The following ASH1L variants were observed in gnomAD, a reference collection of about 807,000 sequenced individuals.
ASH1L encodes histone-lysine N-methyltransferase ASH1L.
A neutral mutation model predicts 269.0 loss-of-function variants in ASH1L; 23 were observed. The observed-to-expected ratio is 0.09, with a 90% CI of 0.06 to 0.12. The LOEUF is 0.12. ASH1L is among the 10% of genes least tolerant of loss of function. ASH1L has a pLI of 1.00. For synonymous variants in ASH1L, 1,187 were observed against 1,253.5 expected, an observed-to-expected ratio of 0.95 and a Z score of 1.12; for missense variants, 2,912 against 3,567.8, an observed-to-expected ratio of 0.82 and a Z score of 4.68.
At chr1:155,428,867 G>C (rs1661383844) in intron 5 of ASH1L, among the ~76,000 whole-genome samples, 1 of 152,058 alleles carries the variant, frequency 6.6e-6, no homozygotes. Context: ...TAAATACGCG[G>C]GTAAATCTCT....
Position 155,480,085 on chromosome 1 carries a change from G to C in ASH1L, c.2785C>G (p.His929Asp). Residue 929 changes from histidine to aspartate, a missense_variant, in exon 3 of 28, where the codon CAT (histidine) becomes GAT (aspartate). Transcript: ENST00000392403. ...PSKLESESDN[H>D]RSSSDFFESE... is the part of the protein sequence containing the mutation. ...TCAAAGAAATCACTGCTACTTCTAT[G>C]GTTGTCACTTTCAGATTCTAGCTTG... The C allele has an allele frequency of 1.2e-6, 2 of 1,614,020 alleles. No homozygotes were observed. The highest frequency in any genetic ancestry group is 1.7e-6 in the Non-Finnish European group (2 of 1,179,992).
At chr1:155,455,327 T>A (rs918785274) in intron 4 of ASH1L, among the ~76,000 whole-genome samples, 3 of 152,188 alleles carry the variant, frequency 2.0e-5, no homozygotes, top group African/African-American at 7.2e-5. Context: ...AATAATTTTG[T>A]TACTATGGGT....
intron 2 of ASH1L, among the ~76,000 whole-genome samples, chr1:155,493,598 C>T (rs527606569): frequency 1.3e-5 from 2 of 152,246 alleles, no homozygotes; most frequent in Admixed American, 6.5e-5. Context: ...GGGGGCATGG[C>T]GGTTCACGCC....
rs1284714420 is a variant in ASH1L at position 155,422,314 on chromosome 1, T to C, written c.5829-6391A>G. Among the ~76,000 whole-genome samples the C allele has an allele frequency of 1.3e-4, 20 of 150,728 alleles. No individual in the cohort carries two copies. The East Asian group carries it at 3.7e-3, about 28-fold the overall frequency. ...ACCACGCCCAGCTAATTTTTTTTTT[T>C]TTTTTTTTTTTGAGATGGCATCTTG... On this transcript the variant is annotated intron_variant, in intron 5 of 27. Coordinates refer to ENST00000392403, the MANE Select transcript of ASH1L (RefSeq NM_018489.3).
chr1:155,433,533 C>G (rs1283838066), intron 5 of ASH1L: 2 of 1,610,390 alleles, frequency 1.2e-6, no homozygotes, highest in Non-Finnish European at 8.5e-7. Flanking sequence ...TGCACCGTCC[C>G]CCCTGGTGCC....
rs367624434 is a variant in ASH1L at position 155,481,064 on chromosome 1, G to T, written c.1806C>A (p.Asn602Lys). ...IEEISESVGK[N>K]QFTSESTHLN... ...AGTGGGTACTTTCAGAAGTAAACTG[G>T]TTCTTTCCAACAGATTCAGAAATTT... Residue 602 changes from asparagine (N) to lysine (K), a missense_variant, in exon 3 of 28, where the codon AAC (asparagine) becomes AAA (lysine). Physicochemically the swap from Asn to Lys is moderately conservative, Grantham distance 94. Transcript: ENST00000392403. 3 of 1,614,020 alleles carry T rather than the reference G, an allele frequency of 1.9e-6. No individual in the cohort carries two copies. Among genetic ancestry groups the T allele is most frequent in the Non-Finnish European group, 2.5e-6 (3 of 1,179,968 alleles).
At position 155,438,625 on chromosome 1, in the gene ASH1L, T is replaced by C; in HGVS notation, c.5530A>G (p.Asn1844Asp). ...CGACCTGGCCTACGTTTCACAAAGT[T>C]ATTCCCTGTCCTGGCCTGCCTTTGA... ...KLQRQARTGN[N>D]FVKRRPGRPR... Residue 1844 changes from asparagine to aspartate, a missense_variant, in exon 5 of 28, where the codon AAC (asparagine) becomes GAC (aspartate). This residue lies in a region of ASH1L where 789 missense variants were observed against 897.6 expected (regional missense o/e 0.88). Transcript: ENST00000392403. 6.2e-7 allele frequency: 1 copy of C among 1,614,248 alleles called. No homozygotes were observed. Among genetic ancestry groups the C allele is most frequent in the Non-Finnish European group, 8.5e-7 (1 of 1,180,054 alleles).
chr1:155,355,858 T>C (rs925032702), intron 15 of ASH1L, among the ~76,000 whole-genome samples: 3 of 151,862 alleles, frequency 2.0e-5, no homozygotes, highest in African/African-American at 7.3e-5. Flanking sequence ...ACAGCAGAAA[T>C]TACCACTAAA....
intron 6 of ASH1L, among the ~76,000 whole-genome samples, chr1:155,410,228 G>A (rs919434348): frequency 6.6e-6 from 1 of 152,098 alleles, no homozygotes; most frequent in Non-Finnish European, 1.5e-5. Flanking sequence ...CTGGACTCAA[G>A]TGATCTGCTC....
At chr1:155,339,434 G>A (rs756229863) in intron 25 of ASH1L, 66 bp from the exon 26 acceptor site, 105 of 1,496,596 alleles carry the variant, frequency 7.0e-5, no homozygotes, top group Non-Finnish European at 9.4e-5. Context: ...CTTCTCTGGG[G>A]CCAGTCAGGA....
At chr1:155,376,919 G>C (rs1028066483) in intron 10 of ASH1L, among the ~76,000 whole-genome samples, 43 of 147,980 alleles carry the variant, frequency 2.9e-4, no homozygotes, top group African/African-American at 9.4e-4. Context: ...CTTTTTTTTT[G>C]GGGGGGAGAT....
At chr1:155,418,513 G>A (rs549667926) in intron 5 of ASH1L, among the ~76,000 whole-genome samples, 29 of 151,954 alleles carry the variant, frequency 1.9e-4, no homozygotes, top group African/African-American at 5.5e-4. Context: ...TTAGAATCCC[G>A]GGAAAGGAGA....
intron 15 of ASH1L, among the ~76,000 whole-genome samples, chr1:155,354,995 G>A (rs562132696): frequency 7.9e-5 from 12 of 152,288 alleles, no homozygotes; most frequent in African/African-American, 2.6e-4. Context: ...GCAAAGACAC[G>A]TAAGATGGAT....
rs753343387 is a variant in ASH1L at position 155,354,520 on chromosome 1, T to A, written c.7166A>T (p.Tyr2389Phe). Residue 2389 changes from tyrosine to phenylalanine, a missense_variant, in exon 16 of 28, where the codon TAT becomes TTT. By Grantham distance (22) the Tyr-to-Phe change is conservative (BLOSUM62 3). This residue lies in a region of ASH1L where 309 missense variants were observed against 435.1 expected (regional missense o/e 0.71). Transcript: ENST00000392403. ...TCGGCAGATCCCATTCCAACGGGTA[T>A]ATAATGATGCTGAGTGAATATTATC... ...TSDNIHSASL[Y>F]TRWNGICRDD... 6.2e-7 allele frequency: 1 copy of A among 1,613,898 alleles called. No homozygotes were observed. The highest frequency in any genetic ancestry group is 8.5e-7 in the Non-Finnish European group (1 of 1,179,928).
rs1311285591 is a variant in ASH1L, at chr1:155,420,373, A to AC, written c.5829-4451_5829-4450insG. Among the ~76,000 whole-genome samples, 275 of 151,114 alleles carry AC rather than the reference A, an allele frequency of 1.8e-3. 2 individuals carry two copies. Among genetic ancestry groups the AC allele is most frequent in the African/African-American group, 6.4e-3 (266 of 41,342 alleles). Reference sequence around the variant, plus strand: ...AATGAGACTCCATCTCAAAAAAAAAAAAAAACAAAAACAAAAAAACAAGAA... The same window carrying AC: ...AATGAGACTCCATCTCAAAAAAAAAACAAAAACAAAAACAAAAAAACAAGAA... On this transcript the variant is annotated intron_variant, in intron 5 of 27. Coordinates refer to ENST00000392403, the MANE Select transcript of ASH1L (RefSeq NM_018489.3).
intron 1 of ASH1L, among the ~76,000 whole-genome samples, chr1:155,544,927 CT>C (rs2148896518): frequency 6.6e-6 from 1 of 151,832 alleles, no homozygotes; most frequent in South Asian, 2.1e-4. Context: ...AATTCTAGCA[CT>C]TTGGGAGGCT....
intron 2 of ASH1L, among the ~76,000 whole-genome samples, chr1:155,518,182 A>G (rs942780430): frequency 2.6e-5 from 4 of 152,210 alleles, no homozygotes; most frequent in Non-Finnish European, 5.9e-5. Context: ...AGAAAACTGA[A>G]TATCATGTAA....
Position 155,356,826 on chromosome 1 carries a change from TA to T in ASH1L, c.7055+489del, listed in dbSNP as rs1378085900. Reference sequence around the variant, plus strand: ...TAAGATGGTTTGGTGTGCTGGCTCGTATCTGTAATCCCAATGCCTTGGGAGA... The same window carrying T: ...TAAGATGGTTTGGTGTGCTGGCTCGTTCTGTAATCCCAATGCCTTGGGAGA... On this transcript the variant is annotated intron_variant, in intron 15 of 27. Coordinates refer to ENST00000392403, the MANE Select transcript of ASH1L (RefSeq NM_018489.3). Among the ~76,000 whole-genome samples the T allele has an allele frequency of 1.3e-4, 19 of 151,856 alleles. No individual in the cohort carries two copies. In the South Asian group the frequency reaches 1.5e-3, roughly 12 times the overall value.
In ASH1L at chr1:155,343,033, G is replaced by T; in HGVS notation, c.8293+281C>A. The T allele has an allele frequency of 4.0e-6, 1 of 250,922 alleles. No homozygotes were observed. The allele number at this position is 250,922 out of a possible 1,614,324, so 15.5% of individuals were successfully genotyped here. A position where few individuals can be genotyped will look rare whatever the true frequency, so the allele number is the denominator to read the frequency against. On this transcript the variant is annotated intron_variant, in intron 24 of 27. Coordinates refer to ENST00000392403, the MANE Select transcript of ASH1L (RefSeq NM_018489.3). This position sits in a 1 kb window ranked among gnomAD's most constrained non-coding sequence, Gnocchi z 6.1. ...TTGAAGTCTTTTTTTTTTTTTTGAGGCAGGGTTTCATTCTGTTGCACAGGT... is the reference window on the plus strand; with the variant it reads ...TTGAAGTCTTTTTTTTTTTTTTGAGTCAGGGTTTCATTCTGTTGCACAGGT...
Sources: gnomAD v4.1 joint callset for allele counts (sites outside exome capture counted in the v4.1 genomes callset) on GRCh38, gnomAD v4.1.1 for gene constraint, gnomAD v4.1.1 regional missense constraint, Gnocchi (gnomAD v3.1) non-coding constraint, MANE v1.5 for transcripts, NCBI Gene and HGNC (gene_info 2026-07-23, HGNC 2026-07-21) for gene names.